PDE7A: variants seen among roughly 807,000 people sequenced by gnomAD.
The protein encoded by PDE7A is phosphodiesterase 7A.
PDE7A carries 39 observed loss-of-function variants against 64.3 expected under a neutral mutation model. The ratio of observed to expected loss-of-function variants is 0.61; its 90% CI spans 0.47 to 0.79. The LOEUF (loss-of-function observed/expected upper bound fraction) is 0.79, where lower values mean the gene tolerates loss of function less well. PDE7A is among the 30% of genes least tolerant of loss of function. PDE7A has a pLI of 0.00. For missense variants in PDE7A, 470 were observed against 582.8 expected (o/e 0.81, Z 1.99); for synonymous variants, 203 against 206.8 (o/e 0.98, Z 0.16).
intron 3 of PDE7A, among the ~76,000 whole-genome samples, chr8:65,749,965 G>GTTA (rs1807857965): frequency 6.6e-6 from 1 of 152,184 alleles, no homozygotes; most frequent in Non-Finnish European, 1.5e-5. Flanking sequence ...GTATATAACG[G>GTTA]ACTCTTCTAA....
At chr8:65,783,686 T>C (rs1028329977) in intron 1 of PDE7A, among the ~76,000 whole-genome samples, 1 of 152,238 alleles carries the variant, frequency 6.6e-6, no homozygotes, top group African/African-American at 2.4e-5. Context: ...AAACTTTGTC[T>C]ATCTTAGTCA....
At chr8:65,793,430 T>G (rs1809753196) in intron 1 of PDE7A, among the ~76,000 whole-genome samples, 1 of 151,390 alleles carries the variant, frequency 6.6e-6, no homozygotes, top group Admixed American at 6.6e-5. Context: ...TGCATTTTGA[T>G]ATACAATAAA....
At chr8:65,812,781 A>G (rs763611188) in intron 1 of PDE7A, among the ~76,000 whole-genome samples, 5 of 152,262 alleles carry the variant, frequency 3.3e-5, no homozygotes, top group Non-Finnish European at 7.3e-5. Context: ...CACTTTTAAT[A>G]GAAGCAAAAC....
intron 1 of PDE7A, among the ~76,000 whole-genome samples, chr8:65,811,575 A>G (rs1027816330): frequency 3.9e-5 from 6 of 152,224 alleles, no homozygotes; most frequent in African/African-American, 1.4e-4. Context: ...TAAAAGGAAT[A>G]TCCAGCACAG....
chr8:65,750,530 CAGAG>C (rs571589742), intron 3 of PDE7A, among the ~76,000 whole-genome samples: 166 of 131,284 alleles, frequency 1.3e-3, no homozygotes, highest in Admixed American at 2.8e-3. Flanking sequence ...GTGTGTGAGA[CAGAG>C]AGAGAATTTG....
At chr8:65,816,539 C>A (rs544120618) in intron 1 of PDE7A, among the ~76,000 whole-genome samples, 1 of 152,286 alleles carries the variant, frequency 6.6e-6, no homozygotes, top group South Asian at 2.1e-4. Flanking sequence ...TAAGGTAGGT[C>A]TGATAGCTAC....
chr8:65,723,265 A>C (rs1417653224), intron 12 of PDE7A: 4 of 198,320 alleles, frequency 2.0e-5, no homozygotes, highest in Non-Finnish European at 4.0e-5. Flanking sequence ...GATGCAAAAG[A>C]AGCTTCCACA....
intron 7 of PDE7A, among the ~76,000 whole-genome samples, chr8:65,732,738 C>T (rs1806952245): frequency 6.6e-6 from 1 of 152,222 alleles, no homozygotes; most frequent in South Asian, 2.1e-4. Context: ...TTCTCAAACT[C>T]CTGGCTTCAA....
At chr8:65,797,399 T>G (rs1213251868) in intron 1 of PDE7A, among the ~76,000 whole-genome samples, 2 of 152,154 alleles carry the variant, frequency 1.3e-5, no homozygotes, top group Non-Finnish European at 2.9e-5. Context: ...AGGCAGAGAT[T>G]GTAGTGATTT....
At chr8:65,724,399 C>A in intron 10 of PDE7A, 48 bp from the exon 11 acceptor site, 1 of 1,248,362 alleles carries the variant, frequency 8.0e-7, no homozygotes, top group Non-Finnish European at 1.2e-6. Flanking sequence ...ACACACTTGA[C>A]AATAATACCA....
At chr8:65,773,929 A>C (rs1809184160) in intron 3 of PDE7A, among the ~76,000 whole-genome samples, 1 of 152,184 alleles carries the variant, frequency 6.6e-6, no homozygotes, top group South Asian at 2.1e-4. Flanking sequence ...ACAATTGTAC[A>C]TTTCTTTATA....
chr8:65,744,622 T>C lies in PDE7A; in HGVS notation c.499+785A>G, dbSNP rs115848006. 6.7e-3 allele frequency among the ~76,000 whole-genome samples: 1,015 copies of C among 152,250 alleles called. 12 individuals carry two copies. The highest frequency in any genetic ancestry group is 0.023 in the African/African-American group (975 of 41,536). On this transcript the variant is annotated intron_variant, in intron 5 of 12. Coordinates refer to ENST00000401827, the MANE Select transcript of PDE7A (RefSeq NM_001242318.3). The stretch of plus-strand genomic sequence containing the variant: ...GAAGCTACAGCTCTTCCCCATTCCC[T>C]ATCTGAAAGCAAGGAACCACTGCTT...
At chr8:65,754,269 C>T (rs1037453242) in intron 3 of PDE7A, among the ~76,000 whole-genome samples, 8 of 152,156 alleles carry the variant, frequency 5.3e-5, no homozygotes, top group South Asian at 2.1e-4. Context: ...ATTGAGGGTG[C>T]GTCTGCCTTT....
At chr8:65,839,734 G>C (rs1811032113) in intron 1 of PDE7A, among the ~76,000 whole-genome samples, 1 of 152,010 alleles carries the variant, frequency 6.6e-6, no homozygotes, top group African/African-American at 2.4e-5. Flanking sequence ...TTAAACCTAA[G>C]GCTGGAAAAA....
intron 1 of PDE7A, among the ~76,000 whole-genome samples, chr8:65,808,676 A>T (rs1810169199): frequency 6.6e-6 from 1 of 152,202 alleles, no homozygotes. Context: ...TAACTTACTA[A>T]GAGTAATAAA....
intron 4 of PDE7A, among the ~76,000 whole-genome samples, chr8:65,747,330 G>C (rs1807718619): frequency 1.3e-5 from 2 of 152,182 alleles, no homozygotes; most frequent in South Asian, 2.1e-4. Context: ...GACATGATTA[G>C]ATCAGGTAAT....
intron 1 of PDE7A, among the ~76,000 whole-genome samples, chr8:65,834,677 C>T (rs1183376500): frequency 2.6e-5 from 4 of 152,204 alleles, no homozygotes; most frequent in Non-Finnish European, 5.9e-5. Flanking sequence ...TCTACCCTGA[C>T]TTGCCTTGGT....
intron 1 of PDE7A, among the ~76,000 whole-genome samples, chr8:65,814,556 A>C (rs1585939896): frequency 6.6e-6 from 1 of 150,528 alleles, no homozygotes; most frequent in African/African-American, 2.4e-5. Context: ...ATGTGTATAT[A>C]TATAATACGT....
intron 1 of PDE7A, among the ~76,000 whole-genome samples, chr8:65,783,964 G>A (rs76830402): frequency 0.02 from 3,059 of 152,148 alleles, 48 homozygotes; most frequent in Middle Eastern, 0.065. Flanking sequence ...CCCAGATCTA[G>A]GATAGATCCC....
Sources: gnomAD v4.1 joint callset for allele counts (sites outside exome capture counted in the v4.1 genomes callset) on GRCh38, gnomAD v4.1.1 for gene constraint, MANE v1.5 for transcripts, NCBI Gene and HGNC (gene_info 2026-07-23, HGNC 2026-07-21) for gene names.